The following LINGO1 variants were observed in gnomAD, a reference collection of about 807,000 sequenced individuals.
LINGO1 encodes the protein leucine rich repeat and Ig domain containing 1.
A neutral mutation model predicts 37.3 loss-of-function variants in LINGO1; 11 were observed. The ratio of observed to expected loss-of-function variants is 0.29; its 90% CI spans 0.19 to 0.49. LINGO1 has a LOEUF of 0.49. Ranked by LOEUF, LINGO1 falls within the 20% of genes least tolerant of loss-of-function variation. The pLI is 0.99. For synonymous variants in LINGO1, 387 were observed against 403.0 expected (o/e 0.96, Z 0.48); for missense variants, 585 against 878.2 (o/e 0.67, Z 4.22).
At chr15:77,719,184 T>A (rs1235098747) in intron 2 of LINGO1, among the ~76,000 whole-genome samples, 1 of 149,846 alleles carries the variant, frequency 6.7e-6, no homozygotes, top group Non-Finnish European at 1.5e-5. Flanking sequence ...CACTGCCTCT[T>A]TGAGAGTGAG....
At chr15:77,783,822 A>C (rs1302428430) in intron 1 of LINGO1, among the ~76,000 whole-genome samples, 2 of 152,202 alleles carry the variant, frequency 1.3e-5, no homozygotes, top group African/African-American at 4.8e-5. Context: ...CTCAGGAGCC[A>C]GTGCTTTTTT....
chr15:77,705,933 A>C (rs2075847031), intron 2 of LINGO1, among the ~76,000 whole-genome samples: 1 of 152,154 alleles, frequency 6.6e-6, no homozygotes, highest in Admixed American at 6.5e-5. Context: ...TGCTCTTCTC[A>C]AATGCAAGCT....
intron 2 of LINGO1, among the ~76,000 whole-genome samples, chr15:77,682,376 G>A (rs1596101312): frequency 6.6e-6 from 1 of 151,082 alleles, no homozygotes; most frequent in Non-Finnish European, 1.5e-5. Flanking sequence ...AGACACCCAC[G>A]GGGCCACGGT....
At chr15:77,726,540 C>A (rs1184597558) in intron 2 of LINGO1, among the ~76,000 whole-genome samples, 1 of 152,244 alleles carries the variant, frequency 6.6e-6, no homozygotes, top group African/African-American at 2.4e-5. Flanking sequence ...TGGATTTCCA[C>A]AAGCAAAACA....
At chr15:77,624,339 T>G (rs1330060534) in intron 1 of LINGO1, among the ~76,000 whole-genome samples, 1 of 152,028 alleles carries the variant, frequency 6.6e-6, no homozygotes, top group East Asian at 1.9e-4. Flanking sequence ...CTCTCCCACA[T>G]GTGCTCACTG....
chr15:77,758,846 G>A (rs2076446526), intron 1 of LINGO1, among the ~76,000 whole-genome samples: 1 of 151,788 alleles, frequency 6.6e-6, no homozygotes, highest in African/African-American at 2.4e-5. Flanking sequence ...CACCATTGTC[G>A]AGGAGGGGGC....
At chr15:77,715,407 T>G (rs897870910) in intron 2 of LINGO1, among the ~76,000 whole-genome samples, 1 of 152,186 alleles carries the variant, frequency 6.6e-6, no homozygotes, top group Non-Finnish European at 1.5e-5. Context: ...TTAACTGTCC[T>G]GAGAGGTAGT....
At chr15:77,699,358 A>G, upstream of LINGO1, among the ~76,000 whole-genome samples, 1 of 109,702 alleles carries the variant, frequency 9.1e-6, no homozygotes, top group African/African-American at 3.4e-5. Flanking sequence ...CAGTAAGTGC[A>G]TACTAACCAT....
intron 1 of LINGO1, among the ~76,000 whole-genome samples, chr15:77,811,834 G>C (rs954888935): frequency 1.6e-4 from 25 of 152,198 alleles, no homozygotes; most frequent in African/African-American, 5.5e-4. Context: ...AACAGATAAA[G>C]CAAAATGTGG....
chr15:77,813,180 C>T (rs2077019846), intron 1 of LINGO1, among the ~76,000 whole-genome samples: 1 of 152,208 alleles, frequency 6.6e-6, no homozygotes, highest in Admixed American at 6.5e-5. Flanking sequence ...ATACACTGCT[C>T]TCAGAGTTCT....
upstream of LINGO1, chr15:77,634,142 C>T (rs957271437): frequency 2.4e-6 from 1 of 415,144 alleles, no homozygotes; most frequent in Non-Finnish European, 4.9e-6. Flanking sequence ...TCCAGTGACA[C>T]CCCCTCTCCC....
At chr15:77,623,569 T>C (rs1417979946) in intron 1 of LINGO1, among the ~76,000 whole-genome samples, 1 of 152,180 alleles carries the variant, frequency 6.6e-6, no homozygotes, top group Non-Finnish European at 1.5e-5. Context: ...GTTGCAGTCC[T>C]GCGCCCAGGC....
rs2074284594 is a variant in LINGO1 at position 77,632,405 on chromosome 15, C to G, written c.-90G>C. The G allele has an allele frequency of 1.6e-6, 2 of 1,260,048 alleles. No individual in the cohort carries two copies. The highest frequency in any genetic ancestry group is 3.9e-5 in the Admixed American group (1 of 25,776). 78.1% of individuals were successfully genotyped at this position (1,260,048 alleles called of 1,614,324 possible). On this transcript the variant is annotated 5_prime_UTR_variant, in exon 1 of 2. Transcript: ENST00000355300. The surrounding 1 kb of genome is among the most constrained non-coding windows in gnomAD (Gnocchi z 6.0). Reference sequence around the variant, plus strand: ...CAGGCCCCAGCCCCTGCCCAGCCCCCTCCTCCGTTTCCTCCTCCTCCGACA... The same window carrying G: ...CAGGCCCCAGCCCCTGCCCAGCCCCGTCCTCCGTTTCCTCCTCCTCCGACA...
intron 1 of LINGO1, among the ~76,000 whole-genome samples, chr15:77,810,323 TACACATGCACACACAC>T (rs1156428823): frequency 2.9e-5 from 4 of 136,566 alleles, no homozygotes; most frequent in African/African-American, 8.5e-5. Flanking sequence ...CACACACACA[TACACATGCACACACAC>T]ACACATGCAC....
chr15:77,699,771 T>TCACCTGCACACAGTAAGCACATACTAAC (rs1567532365), upstream of LINGO1, among the ~76,000 whole-genome samples: 7 of 89,104 alleles, frequency 7.9e-5, no homozygotes, highest in Admixed American at 1.1e-4. Context: ...ATACTAACCA[T>TCACCTGCACACAGTAAGCACATACTAAC]CATTCCCCCC....
chr15:77,622,277 G>GC (rs1255829401), intron 1 of LINGO1, among the ~76,000 whole-genome samples: 1 of 151,860 alleles, frequency 6.6e-6, no homozygotes, highest in African/African-American at 2.4e-5. Flanking sequence ...GAGGAAGAGA[G>GC]AGGCAGAGAA....
upstream of LINGO1, among the ~76,000 whole-genome samples, chr15:77,635,381 C>A (rs1481619017): frequency 6.6e-6 from 1 of 152,118 alleles, no homozygotes; most frequent in East Asian, 1.9e-4. Flanking sequence ...GGCATTGTCA[C>A]CTAGAGACTC....
rs1470636309 is a variant in LINGO1 at position 77,753,055 on chromosome 15, G to A, written c.-256-18002C>T. Among the ~76,000 whole-genome samples, 4 of 152,326 alleles carry A rather than the reference G, an allele frequency of 2.6e-5. No homozygotes were observed. In the East Asian group the frequency reaches 5.8e-4, roughly 22 times the overall value. On this transcript the variant is annotated intron_variant, in intron 1 of 3. Coordinates refer to the LINGO1 transcript ENST00000561686. Reference sequence around the variant, plus strand: ...CCACAAAATCAAGCACATACATAGTGTCATATTTGCCATCCCTGGCTTTCT... The same window carrying A: ...CCACAAAATCAAGCACATACATAGTATCATATTTGCCATCCCTGGCTTTCT...
At chr15:77,658,162 C>T (rs976957105) in intron 3 of LINGO1, among the ~76,000 whole-genome samples, 1 of 152,222 alleles carries the variant, frequency 6.6e-6, no homozygotes, top group Admixed American at 6.5e-5. Context: ...TCAGCAGGGC[C>T]GCCCTGCCCT....
Sources: gnomAD v4.1 joint callset for allele counts (sites outside exome capture counted in the v4.1 genomes callset) on GRCh38, gnomAD v4.1.1 for gene constraint, Gnocchi (gnomAD v3.1) non-coding constraint, MANE v1.5 for transcripts, NCBI Gene and HGNC (gene_info 2026-07-23, HGNC 2026-07-21) for gene names.